The following MIPOL1 variants were observed in gnomAD, a reference collection of about 807,000 sequenced individuals.
MIPOL1 encodes the protein mirror-image polydactyly gene 1 protein.
A neutral mutation model predicts 60.9 loss-of-function variants in MIPOL1; 57 were observed. The ratio of observed to expected loss-of-function variants is 0.94; its 90% CI spans 0.76 to 1.17. MIPOL1 has a LOEUF of 1.17. Among genes scored for constraint, MIPOL1 ranks in the 50% most tolerant of loss-of-function variants. MIPOL1 has a pLI of 0.00. For synonymous variants in MIPOL1, 179 were observed against 168.8 expected (o/e 1.06, Z -0.47); for missense variants, 551 against 511.6 (o/e 1.08, Z -0.74).
intron 11 of MIPOL1, among the ~76,000 whole-genome samples, chr14:37,440,757 C>A (rs553574249): frequency 6.6e-6 from 1 of 152,126 alleles, no homozygotes; most frequent in East Asian, 1.9e-4. Flanking sequence ...GTAATGATTT[C>A]TTTTCCTTTA....
At position 37,495,884 on chromosome 14, in the gene MIPOL1, A is replaced by G. The variant is rs1231773302; in HGVS notation, c.1032-4024A>G. Among the ~76,000 whole-genome samples, 26 of 149,666 alleles carry G rather than the reference A, an allele frequency of 1.7e-4. 1 individual carries two copies. Among genetic ancestry groups the G allele is most frequent in the Admixed American group, 1.5e-3 (22 of 14,990 alleles). ...TGCATTTCTCTGATGGCCAGTGATG[A>G]TGAGCATTTTTTCATGTGTTTTTTG... On this transcript the variant is annotated intron_variant, in intron 11 of 12. Transcript: ENST00000684589.
intron 1 of MIPOL1, among the ~76,000 whole-genome samples, chr14:37,199,000 G>GA (rs1964788129): frequency 6.6e-6 from 1 of 152,106 alleles, no homozygotes; most frequent in African/African-American, 2.4e-5. Context: ...TTAATGTGAG[G>GA]AATAGGAATC....
chr14:37,455,785 T>C (rs1044728663), intron 11 of MIPOL1, among the ~76,000 whole-genome samples: 2 of 152,170 alleles, frequency 1.3e-5, no homozygotes, highest in East Asian at 3.9e-4. Flanking sequence ...AATGTGTTTA[T>C]ATTATAGATA....
intron 1 of MIPOL1, among the ~76,000 whole-genome samples, chr14:37,244,399 G>A (rs1594702903): frequency 6.6e-6 from 1 of 151,750 alleles, no homozygotes; most frequent in Non-Finnish European, 1.5e-5. Context: ...GGGATTACAG[G>A]CGTGAGCCAC....
intron 10 of MIPOL1, among the ~76,000 whole-genome samples, chr14:37,380,490 G>A (rs892250238): frequency 2.4e-4 from 37 of 152,020 alleles, no homozygotes; most frequent in Admixed American, 2.4e-3. Flanking sequence ...GCCTATGCAG[G>A]TTCATCAAGT....
At chr14:37,241,972 GCAGT>G (rs961124550) in intron 1 of MIPOL1, among the ~76,000 whole-genome samples, 10 of 122,344 alleles carry the variant, frequency 8.2e-5, no homozygotes, top group South Asian at 2.4e-4. Flanking sequence ...CAGCAAGCAA[GCAGT>G]CAATCAATCA....
chr14:37,515,561 T>TGTTA, intron 12 of MIPOL1, among the ~76,000 whole-genome samples: 1 of 152,352 alleles, frequency 6.6e-6, no homozygotes, highest in African/African-American at 2.4e-5. Context: ...TATCTCTTTC[T>TGTTA]GTTACCATGT....
At chr14:37,370,649 GT>G (rs2092613716) in intron 10 of MIPOL1, among the ~76,000 whole-genome samples, 3 of 151,964 alleles carry the variant, frequency 2.0e-5, no homozygotes, top group South Asian at 4.1e-4. Flanking sequence ...TGGAAGTCAG[GT>G]TTTTCCACAA....
intron 9 of MIPOL1, among the ~76,000 whole-genome samples, chr14:37,348,463 T>C (rs1368771262): frequency 6.6e-6 from 1 of 152,106 alleles, no homozygotes; most frequent in African/African-American, 2.4e-5. Flanking sequence ...ACCATATTAA[T>C]GCAACACATT....
intron 10 of MIPOL1, chr14:37,385,522 A>C (rs997862660): frequency 3.3e-5 from 5 of 152,116 alleles, no homozygotes; most frequent in Non-Finnish European, 7.4e-5. Context: ...AAAGTGGCCT[A>C]AGAATGGCAC....
rs934020656 is a variant in MIPOL1, at chr14:37,247,783, G to A, written c.-60-46G>A. On this transcript the variant is annotated intron_variant, in intron 2 of 12. Coordinates refer to ENST00000684589, the MANE Select transcript of MIPOL1 (RefSeq NM_001388067.1). Reference sequence around the variant, plus strand: ...CAAAGGTAAGATTTAGGTGTGTTCTGATATATTGTTTTCAGTTTATTTATC... The same window carrying A: ...CAAAGGTAAGATTTAGGTGTGTTCTAATATATTGTTTTCAGTTTATTTATC... The A allele has an allele frequency of 1.2e-5, 13 of 1,106,040 alleles. 1 individual carries two copies. The African/African-American group carries it at 1.7e-4, about 15-fold the overall frequency. The allele number at this position is 1,106,040 out of a possible 1,614,324, so 68.5% of individuals were successfully genotyped here.
chr14:37,434,234 G>A (rs941170929), intron 11 of MIPOL1, among the ~76,000 whole-genome samples: 20 of 152,092 alleles, frequency 1.3e-4, no homozygotes, highest in South Asian at 4.1e-4. Context: ...TCTAACTGGC[G>A]TGAGATGGTA....
At chr14:37,393,589 T>C (rs984618899) in intron 10 of MIPOL1, among the ~76,000 whole-genome samples, 5 of 152,022 alleles carry the variant, frequency 3.3e-5, no homozygotes, top group Non-Finnish European at 7.4e-5. Context: ...AGCATATAAA[T>C]TACTTACCTT....
Position 37,369,522 on chromosome 14 carries a change from A to G in MIPOL1, c.834A>G (p.Lys278=), listed in dbSNP as rs2092580773. ...EERDAALSKC[K]RLEQELHHVK... is the part of the protein sequence containing the mutation. Reference sequence around the variant, plus strand: ...GGATTCTTCCCCTGTGGCAGTGCAAACGGTTAGAGCAGGAGCTTCATCATG... The same window carrying G: ...GGATTCTTCCCCTGTGGCAGTGCAAGCGGTTAGAGCAGGAGCTTCATCATG... Residue 278 remains lysine, a synonymous_variant, in exon 10 of 13, where the codon AAA becomes AAG. Coordinates refer to ENST00000684589, the MANE Select transcript of MIPOL1 (RefSeq NM_001388067.1). The G allele has an allele frequency of 6.2e-7, 1 of 1,610,280 alleles. No homozygotes were observed. Among genetic ancestry groups the G allele is most frequent in the African/African-American group, 1.3e-5 (1 of 74,822 alleles).
intron 9 of MIPOL1, among the ~76,000 whole-genome samples, chr14:37,356,522 A>T (rs909104221): frequency 6.6e-5 from 10 of 152,072 alleles, no homozygotes; most frequent in Non-Finnish European, 1.5e-5. Flanking sequence ...GCCGCCTTGC[A>T]GTTTGATCTC....
chr14:37,266,600 T>G (rs2082890560), intron 3 of MIPOL1, among the ~76,000 whole-genome samples: 2 of 152,130 alleles, frequency 1.3e-5, no homozygotes, highest in Admixed American at 6.6e-5. Context: ...TAAAAAACTC[T>G]TAGGCCCCAC....
intron 11 of MIPOL1, among the ~76,000 whole-genome samples, chr14:37,497,725 A>G (rs1234520453): frequency 1.3e-5 from 2 of 152,204 alleles, no homozygotes; most frequent in Non-Finnish European, 2.9e-5. Flanking sequence ...AGAATGAAAC[A>G]TCACTGCATC....
At chr14:37,446,076 A>T (rs919842824) in intron 11 of MIPOL1, among the ~76,000 whole-genome samples, 2 of 152,216 alleles carry the variant, frequency 1.3e-5, no homozygotes, top group Admixed American at 6.5e-5. Flanking sequence ...GACAAATGGG[A>T]TCTAATTAAA....
At chr14:37,414,114 A>G (rs1325477971) in intron 10 of MIPOL1, among the ~76,000 whole-genome samples, 1 of 152,120 alleles carries the variant, frequency 6.6e-6, no homozygotes, top group African/African-American at 2.4e-5. Flanking sequence ...AACCTATATA[A>G]TTTTAATGAC....
Sources: allele counts gnomAD v4.1 joint callset (sites outside exome capture counted in the v4.1 genomes callset), GRCh38; gene constraint gnomAD v4.1.1; transcripts MANE v1.5; gene names NCBI Gene and HGNC (gene_info 2026-07-23, HGNC 2026-07-21).